The following ATP8A2 variants were observed in gnomAD, a reference collection of about 807,000 sequenced individuals.
The protein encoded by ATP8A2 is ATPase phospholipid transporting 8A2.
In ATP8A2, 100 loss-of-function variants were observed where a neutral mutation model predicts 165.6. The ratio of observed to expected loss-of-function variants is 0.60; its 90% confidence interval spans 0.51 to 0.71. The LOEUF (loss-of-function observed/expected upper bound fraction) is 0.71, where lower values mean the gene tolerates loss of function less well. Among genes scored for constraint, ATP8A2 ranks in the 30% least tolerant of loss-of-function variants. The probability of loss-of-function intolerance (pLI) is 0.00; values close to 1 mark genes in which losing one functional copy is unlikely to be tolerated. For synonymous variants in ATP8A2, 543 were observed against 548.8 expected, an observed-to-expected ratio of 0.99 and a Z score of 0.15; for missense variants, 1,227 against 1,479.5, an observed-to-expected ratio of 0.83 and a Z score of 2.80.
At chr13:25,616,863 G>C (rs1440585009) in intron 24 of ATP8A2, among the ~76,000 whole-genome samples, 2 of 152,110 alleles carry the variant, frequency 1.3e-5, no homozygotes, top group Non-Finnish European at 2.9e-5. Flanking sequence ...GGTGCATGTG[G>C]CTCCCATTGA....
chr13:25,663,370 C>T (rs1438709865), intron 24 of ATP8A2, among the ~76,000 whole-genome samples: 1 of 152,096 alleles, frequency 6.6e-6, no homozygotes, highest in Non-Finnish European at 1.5e-5. Context: ...TCTTCGATTG[C>T]TGGGCAAATC....
At chr13:25,376,032 T>C (rs148082340) in intron 1 of ATP8A2, among the ~76,000 whole-genome samples, 44 of 152,248 alleles carry the variant, frequency 2.9e-4, no homozygotes, top group African/African-American at 9.4e-4. Flanking sequence ...TCAGGGCAGC[T>C]GAAAATACAA....
intron 35 of ATP8A2, among the ~76,000 whole-genome samples, chr13:25,983,514 G>C (rs1009564284): frequency 6.6e-6 from 1 of 152,186 alleles, no homozygotes; most frequent in South Asian, 2.1e-4. Context: ...ATGCCTGTGA[G>C]TAGGCATATC....
At chr13:25,726,902 G>A (rs1184086735) in intron 25 of ATP8A2, among the ~76,000 whole-genome samples, 2 of 152,166 alleles carry the variant, frequency 1.3e-5, no homozygotes, top group Admixed American at 6.5e-5. Flanking sequence ...GGAATGCTGG[G>A]AGGAAGGCTC....
chr13:25,715,786 A>G (rs1001623536), intron 25 of ATP8A2, among the ~76,000 whole-genome samples: 13 of 152,138 alleles, frequency 8.5e-5, no homozygotes, highest in Admixed American at 2.0e-4. Flanking sequence ...TTTTGTGTGG[A>G]CATATGTTTT....
chr13:25,967,578 A>G (rs1382116918), intron 34 of ATP8A2, among the ~76,000 whole-genome samples: 1 of 152,228 alleles, frequency 6.6e-6, no homozygotes, highest in Admixed American at 6.5e-5. Flanking sequence ...GTCCTGGTAC[A>G]TAGCAGGATC....
At chr13:25,707,331 A>T (rs2043073804) in intron 25 of ATP8A2, among the ~76,000 whole-genome samples, 1 of 152,180 alleles carries the variant, frequency 6.6e-6, no homozygotes, top group Non-Finnish European at 1.5e-5. Context: ...AATTTATATG[A>T]ATTACTCTAT....
chr13:25,631,889 A>G (rs2041249462), intron 24 of ATP8A2, among the ~76,000 whole-genome samples: 1 of 151,592 alleles, frequency 6.6e-6, no homozygotes, highest in African/African-American at 2.4e-5. Flanking sequence ...TAGCAAACCA[A>G]GCAGTTTTCT....
chr13:25,400,886 C>G (rs2033615198), intron 1 of ATP8A2, among the ~76,000 whole-genome samples: 1 of 152,172 alleles, frequency 6.6e-6, no homozygotes, highest in Non-Finnish European at 1.5e-5. Context: ...CTATTTATCA[C>G]TATGTGGAAG....
At chr13:25,520,027 C>G (rs575630380) in intron 2 of ATP8A2, among the ~76,000 whole-genome samples, 3 of 152,290 alleles carry the variant, frequency 2.0e-5, no homozygotes, top group African/African-American at 7.2e-5. Context: ...TATCCAATGC[C>G]TTAAATCTCT....
At chr13:25,963,442 G>C (rs998847970) in intron 34 of ATP8A2, among the ~76,000 whole-genome samples, 3 of 149,982 alleles carry the variant, frequency 2.0e-5, no homozygotes, top group Non-Finnish European at 4.5e-5. Context: ...AGAAAAGAAA[G>C]AAAATATTAG....
chr13:25,720,162 T>G (rs889052168), intron 25 of ATP8A2, among the ~76,000 whole-genome samples: 1 of 140,832 alleles, frequency 7.1e-6, no homozygotes, highest in African/African-American at 3.0e-5. Context: ...AAATGTATAC[T>G]TTTTCTTTTT....
intron 33 of ATP8A2, among the ~76,000 whole-genome samples, chr13:25,911,904 T>G (rs1035978360): frequency 3.3e-5 from 5 of 152,186 alleles, no homozygotes; most frequent in African/African-American, 1.2e-4. Flanking sequence ...AGGGAACCCT[T>G]GTACACTGTA....
At chr13:25,523,966 C>T (rs1404820783) in intron 2 of ATP8A2, among the ~76,000 whole-genome samples, 4 of 151,890 alleles carry the variant, frequency 2.6e-5, no homozygotes, top group African/African-American at 9.7e-5. Flanking sequence ...TATTTGAAGT[C>T]TTTCTCCTTT....
chr13:25,387,592 G>C (rs2033102780), intron 1 of ATP8A2, among the ~76,000 whole-genome samples: 1 of 152,074 alleles, frequency 6.6e-6, no homozygotes, highest in African/African-American at 2.4e-5. Flanking sequence ...TTACTTCGAG[G>C]CGCACGTAGA....
intron 2 of ATP8A2, among the ~76,000 whole-genome samples, chr13:25,487,095 T>C (rs2036376812): frequency 6.6e-6 from 1 of 152,236 alleles, no homozygotes; most frequent in Non-Finnish European, 1.5e-5. Flanking sequence ...AGGTGAATTG[T>C]TTGTAAAACC....
chr13:25,977,029 A>ACCCCCC (rs1273725517), intron 35 of ATP8A2, among the ~76,000 whole-genome samples: 2 of 111,364 alleles, frequency 1.8e-5, no homozygotes, highest in African/African-American at 3.4e-5. Flanking sequence ...CTTGTGATCC[A>ACCCCCC]CCCCCACCCC....
At chr13:26,004,289 C>T (rs972300374) in intron 35 of ATP8A2, among the ~76,000 whole-genome samples, 3 of 151,902 alleles carry the variant, frequency 2.0e-5, no homozygotes, top group East Asian at 3.9e-4. Context: ...AATGGAATTG[C>T]TTTCTTAATT....
Position 25,578,864 on chromosome 13 carries a change from A to C in ATP8A2, c.1832A>C (p.Glu611Ala). Residue 611 changes from glutamate to alanine, a missense_variant, in exon 21 of 37, where the codon GAA (glutamate) becomes GCA (alanine). This residue lies in a region of ATP8A2 where 592 missense variants were observed against 785.6 expected (regional missense o/e 0.75). Transcript: ENST00000381655. ...TCAAAAGACTCAAAATATATGGAGG[A>C]AACATTATGCCATCTGGAATACTTT... ...RLSKDSKYME[E>A]TLCHLEYFAT... The C allele has an allele frequency of 3.7e-6, 6 of 1,611,802 alleles. No individual in the cohort carries two copies. Among genetic ancestry groups the C allele is most frequent in the Non-Finnish European group, 5.1e-6 (6 of 1,177,950 alleles).
Sources: allele counts gnomAD v4.1 joint callset (sites outside exome capture counted in the v4.1 genomes callset), GRCh38; gene constraint gnomAD v4.1.1; regional missense constraint gnomAD v4.1.1; transcripts MANE v1.5; gene names NCBI Gene and HGNC (gene_info 2026-07-23, HGNC 2026-07-21).